TRPC4AP: variants seen among roughly 807,000 people sequenced by gnomAD.
TRPC4AP encodes the protein short transient receptor potential channel 4-associated protein.
In TRPC4AP, 45 loss-of-function variants were observed where a neutral mutation model predicts 99.0. The observed-to-expected ratio is 0.45, with a 90% CI of 0.36 to 0.58. The LOEUF (loss-of-function observed/expected upper bound fraction) is 0.58. Ranked by LOEUF, TRPC4AP falls within the 20% of genes least tolerant of loss-of-function variation. TRPC4AP has a pLI of 0.00. For synonymous variants in TRPC4AP, 408 were observed against 385.8 expected (o/e 1.06, Z -0.67); for missense variants, 879 against 985.3 (o/e 0.89, Z 1.44).
At chr20:35,026,727 T>G (rs2083040037) in intron 8 of TRPC4AP, among the ~76,000 whole-genome samples, 1 of 152,188 alleles carries the variant, frequency 6.6e-6, no homozygotes, top group South Asian at 2.1e-4. Flanking sequence ...TTACATTTAT[T>G]TAGGGTTTAA....
intron 7 of TRPC4AP, among the ~76,000 whole-genome samples, chr20:35,037,045 T>C (rs143031992): frequency 3.1e-4 from 47 of 149,404 alleles, no homozygotes; most frequent in Middle Eastern, 3.8e-3. Flanking sequence ...TAAAACTACA[T>C]TGAGGTTCCT....
chr20:35,011,823 C>T (rs527827043), intron 11 of TRPC4AP, among the ~76,000 whole-genome samples: 1 of 152,366 alleles, frequency 6.6e-6, no homozygotes, highest in East Asian at 1.9e-4. Flanking sequence ...TGGCAAGCCA[C>T]TTCTGCAGGG....
At position 35,008,793 on chromosome 20, in the gene TRPC4AP, G is replaced by A. The variant is rs772288138; in HGVS notation, c.1512-46C>T. On this transcript the variant is annotated intron_variant, in intron 12 of 18. Transcript: ENST00000252015. Reference sequence around the variant, plus strand: ...TGGTGACAGATCTGAGAGGCTGACAGGGGCCCTGGGGATGGGTCATTCTGC... The same window carrying A: ...TGGTGACAGATCTGAGAGGCTGACAAGGGCCCTGGGGATGGGTCATTCTGC... 3.2e-6 allele frequency: 5 copies of A among 1,561,658 alleles called. No individual in the cohort carries two copies. In the Admixed American group the frequency reaches 5.2e-5, roughly 16 times the overall value.
At chr20:35,016,447 A>G (rs766855029) in intron 9 of TRPC4AP, among the ~76,000 whole-genome samples, 13 of 152,218 alleles carry the variant, frequency 8.5e-5, no homozygotes, top group Non-Finnish European at 1.8e-4. Flanking sequence ...TTGGGATGCA[A>G]GAGTCCTGGG....
chr20:35,069,932 C>T (rs1488190748), intron 2 of TRPC4AP, among the ~76,000 whole-genome samples: 1 of 152,096 alleles, frequency 6.6e-6, no homozygotes, highest in Non-Finnish European at 1.5e-5. Flanking sequence ...CAGAGGGAGA[C>T]TCTGTCATTA....
intron 8 of TRPC4AP, among the ~76,000 whole-genome samples, chr20:35,031,732 C>T (rs1339594482): frequency 6.6e-6 from 1 of 151,716 alleles, no homozygotes; most frequent in Non-Finnish European, 1.5e-5. Context: ...TTAATAGTGC[C>T]CCACATTATT....
At chr20:35,006,789 C>T (rs933722487) in intron 14 of TRPC4AP, among the ~76,000 whole-genome samples, 1 of 152,350 alleles carries the variant, frequency 6.6e-6, no homozygotes, top group Admixed American at 6.5e-5. Flanking sequence ...GAATGCAGCA[C>T]AATCTCTCCC....
chr20:35,046,375 C>G (rs758552118), intron 6 of TRPC4AP, among the ~76,000 whole-genome samples: 8 of 152,212 alleles, frequency 5.3e-5, no homozygotes, highest in Non-Finnish European at 1.0e-4. Flanking sequence ...CCGTGCTACT[C>G]AGATAACACC....
In TRPC4AP at chr20:35,035,195, T is replaced by C; in HGVS notation, c.979A>G (p.Thr327Ala). ...SFLQELEEWY[T>A]WLDNALVLDA... ...AGCACCAAAGCATTGTCTAGCCATG[T>C]GTACCACTCTTCCAACTCCTGAAGG... The change falls in exon 8 of 19, where the codon ACA becomes GCA. Residue 327 changes from threonine to alanine, a missense_variant. Physicochemically the swap from Thr to Ala is moderately conservative, Grantham distance 58 (BLOSUM62 0). Around this residue, in one of 3 missense-constraint regions of TRPC4AP, gnomAD observed 603 missense variants for 631.8 expected, o/e 0.95. Transcript: ENST00000252015. 1 of 1,614,152 alleles carries C rather than the reference T, an allele frequency of 6.2e-7. No homozygotes were observed. Among genetic ancestry groups the C allele is most frequent in the Non-Finnish European group, 8.5e-7 (1 of 1,180,026 alleles).
intron 3 of TRPC4AP, among the ~76,000 whole-genome samples, chr20:35,061,559 G>A (rs1253334111): frequency 3.9e-5 from 6 of 152,118 alleles, no homozygotes; most frequent in African/African-American, 1.2e-4. Context: ...AAATAAACCC[G>A]TGTCTATGAT....
chr20:35,027,900 G>A (rs577838482), intron 8 of TRPC4AP, among the ~76,000 whole-genome samples: 1 of 151,956 alleles, frequency 6.6e-6, no homozygotes, highest in South Asian at 2.1e-4. Flanking sequence ...TTTTTGGTCA[G>A]TGTGGCTAAA....
At chr20:35,005,868 G>T in intron 15 of TRPC4AP, 65 bp from the exon 16 acceptor site, 1 of 1,467,310 alleles carries the variant, frequency 6.8e-7, no homozygotes. Flanking sequence ...TGGCCCGGGG[G>T]GATAGTCACT....
chr20:35,088,643 A>G (rs2084953588), intron 1 of TRPC4AP, among the ~76,000 whole-genome samples: 1 of 152,266 alleles, frequency 6.6e-6, no homozygotes, highest in Non-Finnish European at 1.5e-5. Context: ...GATAGATGTT[A>G]TCATCACCTC....
chr20:35,020,246 G>A (rs962700109), intron 9 of TRPC4AP, among the ~76,000 whole-genome samples: 1 of 152,170 alleles, frequency 6.6e-6, no homozygotes, highest in Non-Finnish European at 1.5e-5. Flanking sequence ...CTTCCTTGCT[G>A]TTTCCAGTCT....
intron 7 of TRPC4AP, among the ~76,000 whole-genome samples, chr20:35,043,005 G>A (rs1050047651): frequency 2.6e-5 from 4 of 151,898 alleles, no homozygotes; most frequent in Non-Finnish European, 5.9e-5. Flanking sequence ...GTGGGCAAAC[G>A]TATGGTCTTA....
At chr20:35,037,220 G>A (rs960743998) in intron 7 of TRPC4AP, among the ~76,000 whole-genome samples, 6 of 152,046 alleles carry the variant, frequency 3.9e-5, no homozygotes, top group Non-Finnish European at 7.4e-5. Flanking sequence ...GGTGGCAGGC[G>A]CCTGTAGTCC....
At chr20:35,076,352 A>G (rs1320913701) in intron 2 of TRPC4AP, among the ~76,000 whole-genome samples, 14 of 152,022 alleles carry the variant, frequency 9.2e-5, no homozygotes, top group Non-Finnish European at 1.5e-5. Flanking sequence ...GATTTTTAGA[A>G]TTTTCAGCTT....
At chr20:35,067,462 T>C (rs375894215) in intron 3 of TRPC4AP, among the ~76,000 whole-genome samples, 3 of 152,200 alleles carry the variant, frequency 2.0e-5, no homozygotes, top group East Asian at 3.8e-4. Flanking sequence ...TGGCAGTTCC[T>C]CAAACAATTA....
chr20:35,004,390 G>A, intron 17 of TRPC4AP, 68 bp downstream of exon 17: 1 of 1,385,152 alleles, frequency 7.2e-7, no homozygotes, highest in Non-Finnish European at 1.0e-6. Flanking sequence ...GAAACCTGCT[G>A]GGCACCAGGA....
Sources: gnomAD v4.1 joint callset for allele counts (sites outside exome capture counted in the v4.1 genomes callset) on GRCh38, gnomAD v4.1.1 for gene constraint, gnomAD v4.1.1 regional missense constraint, MANE v1.5 for transcripts, NCBI Gene and HGNC (gene_info 2026-07-23, HGNC 2026-07-21) for gene names.